Variants in EPM2A observed in about 807,000 individuals in gnomAD.
EPM2A encodes EPM2A glucan phosphatase, laforin, also known as laforin.
In EPM2A, 21 loss-of-function variants were observed where a neutral mutation model predicts 26.5. That is an observed-to-expected ratio of 0.79 (90% CI 0.56 to 1.14). The LOEUF (loss-of-function observed/expected upper bound fraction) is 1.14, where lower values mean the gene tolerates loss of function less well. Ranked by LOEUF, EPM2A falls within the 50% of genes most tolerant of loss-of-function variation. The pLI is 0.00. For synonymous variants in EPM2A, 217 were observed against 177.6 expected (o/e 1.22, Z -1.76); for missense variants, 458 against 440.8 (o/e 1.04, Z -0.35).
intron 1 of EPM2A, among the ~76,000 whole-genome samples, chr6:145,714,250 A>T (rs1775492020): frequency 6.6e-6 from 1 of 152,254 alleles, no homozygotes; most frequent in East Asian, 1.9e-4. Flanking sequence ...CAGATGCTCA[A>T]GTCCCAGATA....
chr6:145,385,335 G>A (rs1778244178), intron 4 of EPM2A, among the ~76,000 whole-genome samples: 1 of 151,056 alleles, frequency 6.6e-6, no homozygotes, highest in Non-Finnish European at 1.5e-5. Context: ...TTGGAATTTT[G>A]TAATTTAGTT....
At chr6:145,563,692 C>T (rs1429073885) in intron 2 of EPM2A, among the ~76,000 whole-genome samples, 1 of 151,940 alleles carries the variant, frequency 6.6e-6, no homozygotes. Context: ...GATTGTGTAC[C>T]CAGATAAACC....
intron 4 of EPM2A, among the ~76,000 whole-genome samples, chr6:145,432,557 A>G (rs1022811151): frequency 1.3e-5 from 2 of 151,244 alleles, no homozygotes; most frequent in Non-Finnish European, 2.9e-5. Context: ...TAAATAAACC[A>G]TGCTGTAAAG....
At chr6:145,531,054 T>A (rs764633074) in intron 2 of EPM2A, among the ~76,000 whole-genome samples, 1 of 152,226 alleles carries the variant, frequency 6.6e-6, no homozygotes, top group Admixed American at 6.5e-5. Context: ...GTGTCTCCAC[T>A]ATGGGAGTTC....
chr6:145,568,243 A>G (rs1244542497), intron 2 of EPM2A, among the ~76,000 whole-genome samples: 1 of 152,136 alleles, frequency 6.6e-6, no homozygotes, highest in Non-Finnish European at 1.5e-5. Context: ...TCAAGTGAGA[A>G]ACTGAGCCTC....
intron 2 of EPM2A, among the ~76,000 whole-genome samples, chr6:145,672,234 A>T (rs1271478712): frequency 6.6e-6 from 1 of 152,208 alleles, no homozygotes; most frequent in African/African-American, 2.4e-5. Flanking sequence ...ATTTCAGTTT[A>T]TTTTATTGCA....
chr6:145,572,100 A>G (rs1192297585), intron 2 of EPM2A, among the ~76,000 whole-genome samples: 1 of 152,174 alleles, frequency 6.6e-6, no homozygotes, highest in Non-Finnish European at 1.5e-5. Context: ...TTCTCCTTCC[A>G]TGCAAATGCA....
chr6:145,649,051 T>C (rs910827230), intron 2 of EPM2A, among the ~76,000 whole-genome samples: 1 of 152,216 alleles, frequency 6.6e-6, no homozygotes, highest in African/African-American at 2.4e-5. Context: ...TTATTAATTA[T>C]GCTTGTGACC....
At chr6:145,705,806 C>T in intron 1 of EPM2A, 5 of 453,144 alleles carry the variant, frequency 1.1e-5, no homozygotes, top group Non-Finnish European at 2.2e-5. Flanking sequence ...AGATATACTT[C>T]TTCAACAGAG....
chr6:145,632,464 A>G (rs1470547260), intron 3 of EPM2A: 1 of 152,246 alleles, frequency 6.6e-6, no homozygotes, highest in Admixed American at 6.5e-5. Flanking sequence ...TGTTTTGTTC[A>G]GGTGAGTGTT....
chr6:145,710,767 T>C lies in EPM2A; in HGVS notation c.301+24431A>G, dbSNP rs573287701. On this transcript the variant is annotated intron_variant, in intron 1 of 3. Coordinates refer to ENST00000367519, the MANE Select transcript of EPM2A (RefSeq NM_005670.4). ...CTGGATTAAGAAAATGTGGCACATATACACCATGGAATACTATGCAGCCAC... is the reference window on the plus strand; with the variant it reads ...CTGGATTAAGAAAATGTGGCACATACACACCATGGAATACTATGCAGCCAC... Among the ~76,000 whole-genome samples the C allele has an allele frequency of 3.9e-5, 6 of 152,128 alleles. No individual in the cohort carries two copies. The East Asian group carries it at 7.7e-4, about 20-fold the overall frequency.
intron 2 of EPM2A, among the ~76,000 whole-genome samples, chr6:145,584,358 G>C (rs529479085): frequency 4.1e-4 from 62 of 152,266 alleles, no homozygotes; most frequent in African/African-American, 1.4e-3. Flanking sequence ...GGCCAGGCTG[G>C]GGCCCTGGAA....
chr6:145,594,894 A>C lies in EPM2A; in HGVS notation c.340+40351T>G, dbSNP rs143777111. Reference sequence around the variant, plus strand: ...TGGTTTACATAGTGAGGATTTATAAAGATTTTATTATTTTATAACTGAACT... The same window carrying C: ...TGGTTTACATAGTGAGGATTTATAACGATTTTATTATTTTATAACTGAACT... On this transcript the variant is annotated intron_variant, in intron 2 of 3. Transcript: ENST00000450221. Among the ~76,000 whole-genome samples, 388 of 151,924 alleles carry C rather than the reference A, an allele frequency of 2.6e-3. 6 individuals are homozygous for C. Among genetic ancestry groups the C allele is most frequent in the African/African-American group, 8.9e-3 (370 of 41,526 alleles).
At chr6:145,620,188 G>A (rs1775602566) in intron 2 of EPM2A, among the ~76,000 whole-genome samples, 1 of 152,210 alleles carries the variant, frequency 6.6e-6, no homozygotes, top group South Asian at 2.1e-4. Flanking sequence ...GGGAGGCGAG[G>A]GGAGTATGGT....
At chr6:145,525,209 C>T (rs143183300) in intron 2 of EPM2A, among the ~76,000 whole-genome samples, 3,544 of 144,966 alleles carry the variant, frequency 0.024, 51 homozygotes, top group Admixed American at 0.046. Flanking sequence ...AATGTGATGC[C>T]TTCAATTTTA....
intron 1 of EPM2A, among the ~76,000 whole-genome samples, chr6:145,732,446 T>C (rs2128646144): frequency 6.6e-6 from 1 of 151,814 alleles, no homozygotes; most frequent in South Asian, 2.1e-4. Context: ...GAAAGCCATA[T>C]ATTAGTGAAA....
chr6:145,735,074 C>G (rs992521336), intron 1 of EPM2A, 124 bp downstream of exon 1: 2 of 573,268 alleles, frequency 3.5e-6, no homozygotes, highest in East Asian at 7.9e-5. Context: ...CGCAGGGACG[C>G]GGGCAAAAAG....
intron 4 of EPM2A, among the ~76,000 whole-genome samples, chr6:145,406,877 A>G (rs955761849): frequency 1.3e-5 from 2 of 152,160 alleles, no homozygotes; most frequent in Non-Finnish European, 2.9e-5. Context: ...CTGGGAGTAG[A>G]CATGTTTTAA....
chr6:145,695,295 C>A (rs1172188890), intron 1 of EPM2A, among the ~76,000 whole-genome samples: 31 of 152,030 alleles, frequency 2.0e-4, no homozygotes, highest in Admixed American at 1.8e-3. Context: ...CCCTATTATA[C>A]TTCCACAAAA....
Sources: allele counts gnomAD v4.1 joint callset (sites outside exome capture counted in the v4.1 genomes callset), GRCh38; gene constraint gnomAD v4.1.1; transcripts MANE v1.5; gene names NCBI Gene and HGNC (gene_info 2026-07-23, HGNC 2026-07-21).